The following KLK6 variants were observed in gnomAD, a reference collection of about 807,000 sequenced individuals.
KLK6 encodes the protein kallikrein related peptidase 6.
A neutral mutation model predicts 21.7 loss-of-function variants in KLK6; 16 were observed. The observed-to-expected ratio is 0.74, with a 90% CI of 0.50 to 1.12. The LOEUF is 1.12. Ranked by LOEUF, KLK6 falls within the 50% of genes most tolerant of loss-of-function variation. The pLI is 0.00. For synonymous variants in KLK6, 116 were observed against 120.1 expected (o/e 0.97, Z 0.22); for missense variants, 276 against 304.6 (o/e 0.91, Z 0.70).
chr19:50,961,950 C>G, intron 5 of KLK6, 70 bp from the exon 6 acceptor site: 3 of 1,548,338 alleles, frequency 1.9e-6, no homozygotes, highest in Non-Finnish European at 2.6e-6. Flanking sequence ...AGTCACCCCC[C>G]AACCCCTATA....
chr19:50,961,970 T>A (rs2090849387), intron 5 of KLK6, 90 bp from the exon 6 acceptor site: 2 of 1,399,014 alleles, frequency 1.4e-6, no homozygotes, highest in Non-Finnish European at 1.9e-6. Flanking sequence ...AAGTCCTCCA[T>A]CCTCTATTGG....
intron 4 of KLK6, among the ~76,000 whole-genome samples, chr19:50,964,935 C>A (rs909887834): frequency 1.3e-5 from 2 of 152,214 alleles, no homozygotes; most frequent in Admixed American, 6.5e-5. Context: ...TTATCACAGC[C>A]TTTCCTCTGC....
At chr19:50,967,934 A>C (rs1600100027) in intron 3 of KLK6, 131 bp downstream of exon 3, 8 of 372,720 alleles carry the variant, frequency 2.1e-5, no homozygotes, top group Admixed American at 6.1e-5. Context: ...CCTAATCCCC[A>C]ACGTCTTCCT....
intron 3 of KLK6, 92 bp downstream of exon 3, chr19:50,967,973 G>A: frequency 1.8e-6 from 2 of 1,102,524 alleles, no homozygotes; most frequent in Non-Finnish European, 2.7e-6. Context: ...CCCCAACCCT[G>A]TGCATATCCC....
chr19:50,959,900 A>G, intron 6 of KLK6, among the ~76,000 whole-genome samples: 1 of 57,806 alleles, frequency 1.7e-5, no homozygotes, highest in Non-Finnish European at 3.4e-5. Flanking sequence ...GAAGAGGAGG[A>G]GGAGAAGGAA....
chr19:50,959,406 T>TGTGA (rs2090770180), intron 6 of KLK6, 90 bp from the exon 7 acceptor site: 2 of 1,015,290 alleles, frequency 2.0e-6, no homozygotes, highest in Non-Finnish European at 2.8e-6. Context: ...TGTGTGTGTG[T>TGTGA]GTGACAGAGA....
At chr19:50,963,158 T>G in intron 5 of KLK6, 144 bp downstream of exon 5, 1 of 1,195,674 alleles carries the variant, frequency 8.4e-7, no homozygotes, top group Non-Finnish European at 1.2e-6. Context: ...CCCTTGACCT[T>G]TCTCCCATTG....
In KLK6 at chr19:50,963,497, G is replaced by C. The variant is rs751150880; in HGVS notation, c.250C>G (p.Gln84Glu). 6.2e-7 allele frequency: 1 copy of C among 1,614,132 alleles called. No homozygotes were observed. The highest frequency in any genetic ancestry group is 1.1e-5 in the South Asian group (1 of 91,070). ...GCCCGGACAACAGAACTCTGCTCCTGGGAACTCTCCCTTTGCCGAAGGTTA... is the reference window on the plus strand; with the variant it reads ...GCCCGGACAACAGAACTCTGCTCCTCGGAACTCTCCCTTTGCCGAAGGTTA... Reference protein sequence around the residue: ...KHNLRQRESSQEQSSVVRAVI... With the variant: ...KHNLRQRESSEEQSSVVRAVI... Residue 84 changes from glutamine (Q) to glutamate (E), a missense_variant, in exon 5 of 7, where the codon CAG becomes GAG. Physicochemically the swap from Gln to Glu is conservative, Grantham distance 29 (BLOSUM62 2). Coordinates refer to ENST00000310157, the MANE Select transcript of KLK6 (RefSeq NM_002774.4).
At chr19:50,966,455 C>T (rs2090927233) in intron 4 of KLK6, among the ~76,000 whole-genome samples, 1 of 152,272 alleles carries the variant, frequency 6.6e-6, no homozygotes. Context: ...GCCTCCCTCC[C>T]TCTCTCTTGC....
At chr19:50,968,343 AG>A (rs2090959673) in intron 2 of KLK6, 197 bp downstream of exon 2, 1 of 599,136 alleles carries the variant, frequency 1.7e-6, no homozygotes, top group East Asian at 2.8e-5. Flanking sequence ...CCACTGGTCC[AG>A]TAACCCATGG....
intron 6 of KLK6, among the ~76,000 whole-genome samples, chr19:50,961,498 C>T (rs1289296939): frequency 6.6e-6 from 1 of 152,208 alleles, no homozygotes; most frequent in African/African-American, 2.4e-5. Context: ...CCGCGGCCTC[C>T]ATCCTTGTCT....
intron 1 of KLK6, chr19:50,968,839 CT>C: frequency 6.5e-6 from 1 of 153,386 alleles, no homozygotes; most frequent in Non-Finnish European, 1.5e-5. Context: ...TGGCTACACC[CT>C]TTTCCTCCTT....
At chr19:50,965,039 C>T (rs904194840) in intron 4 of KLK6, among the ~76,000 whole-genome samples, 1 of 152,098 alleles carries the variant, frequency 6.6e-6, no homozygotes, top group Admixed American at 6.6e-5. Context: ...AGTAGGTACC[C>T]GTATTCTTTT....
rs375130402 is a variant in KLK6 at position 50,959,135 on chromosome 19, G to A, written c.*29C>T. The A allele has an allele frequency of 1.9e-6, 3 of 1,613,484 alleles. No homozygotes were observed. Among genetic ancestry groups the A allele is most frequent in the East Asian group, 2.2e-5 (1 of 44,888 alleles). ...TCTGGAACCAGCCAGTGGGGTGGTAGGTCGGGAGGTAGATGTCACATGTCA... is the reference window on the plus strand; with the variant it reads ...TCTGGAACCAGCCAGTGGGGTGGTAAGTCGGGAGGTAGATGTCACATGTCA... On this transcript the variant is annotated 3_prime_UTR_variant, in exon 7 of 7. Transcript: ENST00000310157.
intron 4 of KLK6, among the ~76,000 whole-genome samples, chr19:50,965,629 T>TGAC (rs924833985): frequency 2.6e-5 from 4 of 152,222 alleles, no homozygotes; most frequent in Non-Finnish European, 5.9e-5. Context: ...AGGGCAGGGA[T>TGAC]GACGTGTGTG....
chr19:50,966,583 C>T (rs965611369), intron 4 of KLK6, among the ~76,000 whole-genome samples: 4 of 152,154 alleles, frequency 2.6e-5, no homozygotes, highest in Non-Finnish European at 5.9e-5. Flanking sequence ...GGCGGATCAC[C>T]TGAGGTCAGG....
chr19:50,961,804 G>C lies in KLK6; in HGVS notation c.522C>G (p.Gly174=). ...CACACAACATGTTCTGGGTGATCTG[G>C]CCAGGGTAGGCATGCTCACACTCCT... ...SREECEHAYP[G]QITQNMLCAG... is the part of the protein sequence containing the mutation. Residue 174 remains glycine, a synonymous_variant, in exon 6 of 7, where the codon GGC becomes GGG. Coordinates refer to ENST00000310157, the MANE Select transcript of KLK6 (RefSeq NM_002774.4). The C allele has an allele frequency of 6.2e-7, 1 of 1,614,022 alleles. No homozygotes were observed. The highest frequency in any genetic ancestry group is 1.1e-5 in the South Asian group (1 of 91,082).
At chr19:50,968,436 C>T (rs926787907) in intron 2 of KLK6, 105 bp downstream of exon 2, 1 of 411,696 alleles carries the variant, frequency 2.4e-6, no homozygotes. Flanking sequence ...CTAGGGGGCC[C>T]TAGCGTTCTT....
chr19:50,967,394 C>T (rs1246555231), intron 3 of KLK6, 69 bp from the exon 4 acceptor site: 1 of 1,471,598 alleles, frequency 6.8e-7, no homozygotes, highest in Non-Finnish European at 9.2e-7. Context: ...TCAACATGAA[C>T]TCCAGTCAAG....
Sources: allele counts gnomAD v4.1 joint callset (sites outside exome capture counted in the v4.1 genomes callset), GRCh38; gene constraint gnomAD v4.1.1; transcripts MANE v1.5; gene names NCBI Gene and HGNC (gene_info 2026-07-23, HGNC 2026-07-21).